CDH8: variants seen among roughly 807,000 people sequenced by gnomAD.
CDH8 encodes cadherin 8.
A neutral mutation model predicts 68.1 loss-of-function variants in CDH8; 17 were observed. That is an observed-to-expected ratio of 0.25 (90% CI 0.17 to 0.37). CDH8 has a LOEUF of 0.37. CDH8 is among the 10% of genes least tolerant of loss of function. The pLI is 1.00. For synonymous variants in CDH8, 372 were observed against 365.1 expected (o/e 1.02, Z -0.21); for missense variants, 763 against 999.3 (o/e 0.76, Z 3.19).
intron 7 of CDH8, among the ~76,000 whole-genome samples, chr16:61,813,899 G>A (rs940662909): frequency 7.9e-5 from 12 of 152,114 alleles, no homozygotes; most frequent in African/African-American, 2.9e-4. Flanking sequence ...AGCAGTAGCA[G>A]GAGAAAATAA....
chr16:62,031,297 A>T (rs185233845), intron 1 of CDH8, among the ~76,000 whole-genome samples: 1 of 152,278 alleles, frequency 6.6e-6, no homozygotes, highest in East Asian at 1.9e-4. Flanking sequence ...AAAATGAGAA[A>T]AGCTGTGACT....
chr16:61,651,996 TTAA>T lies in CDH8; in HGVS notation c.*1609_*1611del, dbSNP rs1963332695. On this transcript the variant is annotated 3_prime_UTR_variant, in exon 12 of 12. Transcript: ENST00000577390. ...GATCTTCCACTGATTGAAAAAAAAATTAATGACAACAAAGGTATTTATAAAAAT... is the reference window on the plus strand; with the variant it reads ...GATCTTCCACTGATTGAAAAAAAAATTGACAACAAAGGTATTTATAAAAAT... The T allele has an allele frequency of 1.3e-6, 1 of 749,748 alleles. No individual in the cohort carries two copies. The highest frequency in any genetic ancestry group is 1.6e-6 in the Non-Finnish European group (1 of 615,398). The allele number at this position is 749,748 out of a possible 1,614,324, so 46.4% of individuals were successfully genotyped here. A position where few individuals can be genotyped will look rare whatever the true frequency, so the allele number is the denominator to read the frequency against.
At chr16:61,826,846 G>C (rs189072971) in intron 4 of CDH8, among the ~76,000 whole-genome samples, 92 of 151,746 alleles carry the variant, frequency 6.1e-4, no homozygotes, top group Non-Finnish European at 1.0e-3. Context: ...TAATAATAGG[G>C]CTTCCCATTC....
intron 10 of CDH8, among the ~76,000 whole-genome samples, chr16:61,709,294 C>T (rs1964586083): frequency 1.3e-5 from 2 of 152,030 alleles, no homozygotes; most frequent in Admixed American, 1.3e-4. Context: ...CCTTCAAGTA[C>T]AATCCAGCCT....
chr16:61,854,647 G>A (rs757687675), intron 4 of CDH8, among the ~76,000 whole-genome samples: 15 of 152,022 alleles, frequency 9.9e-5, no homozygotes, highest in Non-Finnish European at 2.2e-4. Context: ...CCCACAAAGG[G>A]GGTATTTGCT....
chr16:61,967,021 C>T (rs1053863006), intron 2 of CDH8, among the ~76,000 whole-genome samples: 1 of 152,042 alleles, frequency 6.6e-6, no homozygotes, highest in Non-Finnish European at 1.5e-5. Context: ...CTGAGCAACA[C>T]AGCAAAACCC....
intron 8 of CDH8, among the ~76,000 whole-genome samples, chr16:61,737,224 CA>C (rs1254703303): frequency 6.6e-6 from 1 of 152,076 alleles, no homozygotes; most frequent in Non-Finnish European, 1.5e-5. Context: ...TTGAAATAAA[CA>C]GACTTGCCTT....
intron 3 of CDH8, 96 bp from the exon 4 acceptor site, chr16:61,857,334 T>G: frequency 9.2e-7 from 1 of 1,088,558 alleles, no homozygotes; most frequent in South Asian, 1.4e-5. Flanking sequence ...AATCCATGTG[T>G]AGGGAATAAA....
chr16:61,748,490 A>G (rs1311771397), intron 8 of CDH8, among the ~76,000 whole-genome samples: 1 of 152,078 alleles, frequency 6.6e-6, no homozygotes, highest in Non-Finnish European at 1.5e-5. Flanking sequence ...AACAGAGTAA[A>G]CACACATTCA....
intron 2 of CDH8, among the ~76,000 whole-genome samples, chr16:61,946,229 T>C (rs888424779): frequency 2.0e-5 from 3 of 152,180 alleles, no homozygotes; most frequent in Admixed American, 1.3e-4. Flanking sequence ...CCAGGTGTCC[T>C]CTAGTGGTTC....
At chr16:61,973,833 C>T (rs575777097) in intron 2 of CDH8, among the ~76,000 whole-genome samples, 1 of 152,242 alleles carries the variant, frequency 6.6e-6, no homozygotes. Flanking sequence ...TCTACACTGA[C>T]TTAACACTTT....
intron 4 of CDH8, among the ~76,000 whole-genome samples, chr16:61,837,160 C>T (rs1052998009): frequency 1.3e-5 from 2 of 151,984 alleles, no homozygotes; most frequent in African/African-American, 4.8e-5. Flanking sequence ...TCCCCTTATG[C>T]CTCTTCTCAG....
intron 2 of CDH8, among the ~76,000 whole-genome samples, chr16:61,964,854 T>G (rs1965219827): frequency 6.6e-6 from 1 of 152,176 alleles, no homozygotes; most frequent in Non-Finnish European, 1.5e-5. Flanking sequence ...GTGAATTTGA[T>G]TATGTCTTTT....
Position 61,652,532 on chromosome 16 carries a change from A to G in CDH8, c.*1076T>C. ...GCTGTTCCTGCCATCTCCAGTTACA[A>G]TAACACTTTCTACTCTAAAGAGACT... On this transcript the variant is annotated 3_prime_UTR_variant, in exon 12 of 12. Transcript: ENST00000577390. The G allele has an allele frequency of 9.8e-7, 1 of 1,025,638 alleles. No individual in the cohort carries two copies. Among genetic ancestry groups the G allele is most frequent in the Non-Finnish European group, 1.2e-6 (1 of 856,638 alleles). The allele number at this position is 1,025,638 out of a possible 1,614,324, so 63.5% of individuals were successfully genotyped here.
intron 2 of CDH8, among the ~76,000 whole-genome samples, chr16:61,993,215 T>A (rs773591443): frequency 1.7e-4 from 26 of 152,214 alleles, no homozygotes; most frequent in Admixed American, 8.5e-4. Context: ...TTTCATATAA[T>A]CTGTCACCAT....
intron 2 of CDH8, among the ~76,000 whole-genome samples, chr16:62,018,373 T>C (rs1480044403): frequency 6.6e-6 from 1 of 152,172 alleles, no homozygotes; most frequent in East Asian, 1.9e-4. Context: ...CAGGAGGGCC[T>C]TTCAAAGAGC....
intron 3 of CDH8, among the ~76,000 whole-genome samples, chr16:61,883,234 G>A (rs1963610960): frequency 6.6e-6 from 1 of 152,110 alleles, no homozygotes; most frequent in Admixed American, 6.5e-5. Flanking sequence ...CATACCAGCA[G>A]GGCACTCTAG....
chr16:62,035,920 C>G (rs1902446226), intron 1 of CDH8, among the ~76,000 whole-genome samples, 160 bp downstream of exon 1: 1 of 152,226 alleles, frequency 6.6e-6, no homozygotes, highest in Admixed American at 6.5e-5. Flanking sequence ...GCGAAAGACA[C>G]AGCTTAGCCC....
chr16:61,679,819 C>G lies in CDH8; in HGVS notation c.1655-24098G>C, dbSNP rs533285903. 5.9e-5 allele frequency among the ~76,000 whole-genome samples: 9 copies of G among 152,022 alleles called. No homozygotes were observed. In the East Asian group the frequency reaches 1.7e-3, roughly 30 times the overall value. On this transcript the variant is annotated intron_variant, in intron 10 of 11. Transcript: ENST00000577390. Reference sequence around the variant, plus strand: ...AAGTACTCTAATTCTACCCAAATGACTCTTCAGTGTTTTCTTGAATATGTC... The same window carrying G: ...AAGTACTCTAATTCTACCCAAATGAGTCTTCAGTGTTTTCTTGAATATGTC...
Sources: allele counts gnomAD v4.1 joint callset (sites outside exome capture counted in the v4.1 genomes callset), GRCh38; gene constraint gnomAD v4.1.1; transcripts MANE v1.5; gene names NCBI Gene and HGNC (gene_info 2026-07-23, HGNC 2026-07-21).